EXOC4: variants seen among roughly 807,000 people sequenced by gnomAD.
EXOC4 encodes the protein SEC8-like 1.
In EXOC4, 71 loss-of-function variants were observed where a neutral mutation model predicts 107.2. That is an observed-to-expected ratio of 0.66 (90% confidence interval 0.55 to 0.81). EXOC4 has a LOEUF of 0.81. EXOC4 is among the 30% of genes least tolerant of loss of function. The pLI is 0.00. For synonymous variants in EXOC4, 456 were observed against 441.2 expected (o/e 1.03, Z -0.42); for missense variants, 1,108 against 1,189.6 (o/e 0.93, Z 1.01).
intron 14 of EXOC4, among the ~76,000 whole-genome samples, chr7:133,967,722 T>C (rs1801103880): frequency 6.6e-6 from 1 of 152,212 alleles, no homozygotes; most frequent in South Asian, 2.1e-4. Flanking sequence ...TTCTTTTGCA[T>C]TTGCTGAGGC....
At chr7:133,800,557 T>C (rs1317984609) in intron 10 of EXOC4, among the ~76,000 whole-genome samples, 3 of 152,236 alleles carry the variant, frequency 2.0e-5, no homozygotes, top group Non-Finnish European at 2.9e-5. Context: ...TTAAGTAATA[T>C]CACATTATTA....
intron 9 of EXOC4, among the ~76,000 whole-genome samples, chr7:133,627,694 T>C (rs2151012602): frequency 6.6e-6 from 1 of 152,336 alleles, no homozygotes; most frequent in East Asian, 1.9e-4. Flanking sequence ...AGTGTTTGTG[T>C]CAGTCTTCAT....
chr7:134,048,231 T>G (rs1161007273), intron 17 of EXOC4, among the ~76,000 whole-genome samples: 1 of 152,120 alleles, frequency 6.6e-6, no homozygotes, highest in Admixed American at 6.5e-5. Flanking sequence ...CGGGAGCAAT[T>G]TGGGGAGGTT....
At chr7:133,702,618 A>T (rs1794690515) in intron 10 of EXOC4, among the ~76,000 whole-genome samples, 2 of 151,408 alleles carry the variant, frequency 1.3e-5, no homozygotes, top group Non-Finnish European at 1.5e-5. Flanking sequence ...GAGCCACTGC[A>T]CCCAGCCTGT....
At chr7:133,515,992 G>A (rs1799868199) in intron 9 of EXOC4, among the ~76,000 whole-genome samples, 1 of 152,070 alleles carries the variant, frequency 6.6e-6, no homozygotes, top group South Asian at 2.1e-4. Flanking sequence ...AGTGTTAATT[G>A]ACTTATTATC....
chr7:133,952,878 T>C (rs1016242919), intron 14 of EXOC4, among the ~76,000 whole-genome samples: 4 of 152,254 alleles, frequency 2.6e-5, no homozygotes, highest in African/African-American at 9.6e-5. Context: ...TACCACACTT[T>C]ATTTCTCCAT....
intron 10 of EXOC4, among the ~76,000 whole-genome samples, chr7:133,718,984 G>A (rs535643080): frequency 1.4e-4 from 22 of 152,206 alleles, no homozygotes; most frequent in Admixed American, 2.0e-4. Context: ...TTTTCACGTC[G>A]AACCATGTGA....
intron 11 of EXOC4, among the ~76,000 whole-genome samples, chr7:133,855,718 C>T (rs1004297498): frequency 4.6e-5 from 7 of 152,158 alleles, no homozygotes; most frequent in African/African-American, 1.4e-4. Flanking sequence ...CCCCACGATC[C>T]ATCTGCCAGT....
intron 17 of EXOC4, among the ~76,000 whole-genome samples, chr7:134,037,820 A>G (rs2116511794): frequency 6.6e-6 from 1 of 152,264 alleles, no homozygotes. Context: ...ACAAGTTCTT[A>G]TTTCCCAGTG....
At chr7:133,418,142 T>C (rs1797521182) in intron 7 of EXOC4, among the ~76,000 whole-genome samples, 1 of 152,196 alleles carries the variant, frequency 6.6e-6, no homozygotes, top group African/African-American at 2.4e-5. Flanking sequence ...GACAACTATA[T>C]GTATTGATTC....
rs1798658327 is a variant in EXOC4 at position 133,867,163 on chromosome 7, T to A, written c.1735-28436T>A. Among the ~76,000 whole-genome samples the A allele has an allele frequency of 2.0e-5, 3 of 152,344 alleles. No homozygotes were observed. The South Asian group carries it at 6.2e-4, about 32-fold the overall frequency. ...GGCTCTGCAGCCAGATTGTCAGGGT[T>A]CAAGCCCTGGCCCTCCCATTCACTA... On this transcript the variant is annotated intron_variant, in intron 11 of 17. Coordinates refer to ENST00000253861, the MANE Select transcript of EXOC4 (RefSeq NM_021807.4).
At position 134,065,345 on chromosome 7, in the gene EXOC4, A is replaced by G. The variant is rs1473213249; in HGVS notation, c.*817A>G. ...TTAGAGAACATTGCATCTCACTTGA[A>G]ACATCCTTTGGGGGTAAATGATTCT... On this transcript the variant is annotated 3_prime_UTR_variant, in exon 18 of 18. Transcript: ENST00000253861. The G allele has an allele frequency of 6.6e-6, 1 of 152,080 alleles. No individual in the cohort carries two copies. The highest frequency in any genetic ancestry group is 1.5e-5 in the Non-Finnish European group (1 of 68,012). The allele number at this position is 152,080 out of a possible 1,614,324, so 9.4% of individuals were successfully genotyped here. A position where few individuals can be genotyped will look rare whatever the true frequency, so the allele number is the denominator to read the frequency against.
chr7:133,823,841 TATTATATA>T (rs1420401580), intron 11 of EXOC4, among the ~76,000 whole-genome samples: 2 of 8,838 alleles, frequency 2.3e-4, no homozygotes, highest in Non-Finnish European at 4.1e-4. Context: ...TATATATATA[TATTATATA>T]TATATATATA....
At position 133,960,732 on chromosome 7, in the gene EXOC4, T is replaced by C. The variant is rs1486780242; in HGVS notation, c.2206+22663T>C. Among the ~76,000 whole-genome samples the C allele has an allele frequency of 7.2e-5, 11 of 152,284 alleles. No homozygotes were observed. In the East Asian group the frequency reaches 2.1e-3, roughly 29 times the overall value. On this transcript the variant is annotated intron_variant, in intron 14 of 17. Transcript: ENST00000253861. ...TTGGATTCGGTTAGCTAGTATTTTG[T>C]TAAGTATTTTAGCATCTATGTTCAT...
chr7:133,863,622 A>G (rs187654420), intron 11 of EXOC4, among the ~76,000 whole-genome samples: 238 of 152,292 alleles, frequency 1.6e-3, no homozygotes, highest in Middle Eastern at 0.014. Flanking sequence ...TGGTGGTTAT[A>G]TGGGTGATTT....
At chr7:133,535,344 A>G (rs1243710091) in intron 9 of EXOC4, among the ~76,000 whole-genome samples, 4 of 152,164 alleles carry the variant, frequency 2.6e-5, no homozygotes, top group Non-Finnish European at 5.9e-5. Context: ...TTTGTCTTTC[A>G]GCCGTGTAAC....
At chr7:133,653,220 TAGTA>T (rs1217272352) in intron 10 of EXOC4, among the ~76,000 whole-genome samples, 1 of 152,224 alleles carries the variant, frequency 6.6e-6, no homozygotes, top group Non-Finnish European at 1.5e-5. Context: ...TATGTTATAT[TAGTA>T]AGTAGATGCT....
intron 10 of EXOC4, among the ~76,000 whole-genome samples, chr7:133,718,833 T>C (rs1795049039): frequency 6.6e-6 from 1 of 152,144 alleles, no homozygotes; most frequent in African/African-American, 2.4e-5. Context: ...GGCATAGCCA[T>C]GCTCAGGGAT....
chr7:133,688,386 G>A (rs765958753), intron 10 of EXOC4, among the ~76,000 whole-genome samples: 4 of 152,058 alleles, frequency 2.6e-5, no homozygotes, highest in Non-Finnish European at 4.4e-5. Context: ...AAGTAATAGC[G>A]GTAAAGCAGT....
Sources: allele counts gnomAD v4.1 joint callset (sites outside exome capture counted in the v4.1 genomes callset), GRCh38; gene constraint gnomAD v4.1.1; transcripts MANE v1.5; gene names NCBI Gene and HGNC (gene_info 2026-07-23, HGNC 2026-07-21).